Variants in PRDM16 observed in about 807,000 individuals in gnomAD.
The protein encoded by PRDM16 is PR/SET domain 16, also known as histone-lysine N-methyltransferase PRDM16.
PRDM16 carries 23 observed loss-of-function variants against 110.6 expected under a neutral mutation model. That is an observed-to-expected ratio of 0.21 (90% confidence interval 0.15 to 0.29). The LOEUF (loss-of-function observed/expected upper bound fraction) is 0.29. Ranked by LOEUF, PRDM16 falls within the 10% of genes least tolerant of loss-of-function variation. PRDM16 has a pLI of 1.00. For synonymous variants in PRDM16, 799 were observed against 781.8 expected, an observed-to-expected ratio of 1.02 and a Z score of -0.37; for missense variants, 1,615 against 1,794.3, an observed-to-expected ratio of 0.90 and a Z score of 1.81.
rs190633168 is a variant in PRDM16 at position 3,166,498 on chromosome 1, G to A, written c.38-19627G>A. Among the ~76,000 whole-genome samples the A allele has an allele frequency of 2.5e-3, 382 of 152,366 alleles. 3 individuals carry two copies. The highest frequency in any genetic ancestry group is 8.8e-3 in the African/African-American group (367 of 41,590). ...TTTTGCTAAGCCCACTTGGTTTGGC[G>A]GCTCCCTTTAAATGAGGCCTTCTCA... On this transcript the variant is annotated intron_variant, in intron 1 of 16. Coordinates refer to ENST00000270722, the MANE Select transcript of PRDM16 (RefSeq NM_022114.4).
In PRDM16 at chr1:3,432,157, G is replaced by T; in HGVS notation, c.3696+17G>T. 6.2e-7 allele frequency: 1 copy of T among 1,608,184 alleles called. No homozygotes were observed. Among genetic ancestry groups the T allele is most frequent in the Non-Finnish European group, 8.5e-7 (1 of 1,176,534 alleles). ...AAGAACCAGGTAGGTACCCGCCAGA[G>T]CCCCTCCCCCACCCCACCTGGCCTC... On this transcript the variant is annotated intron_variant, in intron 16 of 16. Coordinates refer to ENST00000270722, the MANE Select transcript of PRDM16 (RefSeq NM_022114.4).
chr1:3,277,741 G>A (rs1260663209), intron 3 of PRDM16, among the ~76,000 whole-genome samples: 6 of 147,668 alleles, frequency 4.1e-5, no homozygotes, highest in Non-Finnish European at 7.5e-5. Context: ...GCGCACACAC[G>A]CACACGCACA....
At chr1:3,422,817 G>C (rs1474556054) in intron 12 of PRDM16, among the ~76,000 whole-genome samples, 1 of 152,250 alleles carries the variant, frequency 6.6e-6, no homozygotes, top group African/African-American at 2.4e-5. Flanking sequence ...TTTGTGGATG[G>C]CCAGTCCAAG....
rs1639775462 is a variant in PRDM16, at chr1:3,245,665, GA to G, written c.438+1529del. 1.3e-5 allele frequency among the ~76,000 whole-genome samples: 2 copies of G among 152,242 alleles called. No homozygotes were observed. Among genetic ancestry groups the G allele is most frequent in the South Asian group, 4.1e-4 (2 of 4,822 alleles). On this transcript the variant is annotated intron_variant, in intron 3 of 16. Coordinates refer to ENST00000270722, the MANE Select transcript of PRDM16 (RefSeq NM_022114.4). This position sits in a 1 kb window ranked among gnomAD's most constrained non-coding sequence, Gnocchi z 4.7. ...CACCCACGTTTGACTGGAGCAAATGGAGCAAATTCCAGGGCTGGTCTTTTCC... is the reference window on the plus strand; with the variant it reads ...CACCCACGTTTGACTGGAGCAAATGGGCAAATTCCAGGGCTGGTCTTTTCC...
chr1:3,345,543 GTACCCC>G (rs1642343653), intron 3 of PRDM16, among the ~76,000 whole-genome samples: 1 of 152,226 alleles, frequency 6.6e-6, no homozygotes, highest in African/African-American at 2.4e-5. Flanking sequence ...AACTGGCCAA[GTACCCC>G]ACCTAAGGAC....
chr1:3,222,070 A>C (rs978971059), intron 2 of PRDM16, among the ~76,000 whole-genome samples: 1 of 152,196 alleles, frequency 6.6e-6, no homozygotes, highest in Non-Finnish European at 1.5e-5. Flanking sequence ...GCTGGCAGGA[A>C]GTGAGGTGAG....
intron 4 of PRDM16, among the ~76,000 whole-genome samples, chr1:3,393,497 T>G (rs960450343): frequency 6.6e-6 from 1 of 152,138 alleles, no homozygotes; most frequent in Non-Finnish European, 1.5e-5. Flanking sequence ...AGTCATAATT[T>G]ATGACAAGCC....
intron 2 of PRDM16, among the ~76,000 whole-genome samples, chr1:3,205,518 G>A (rs531482705): frequency 6.6e-6 from 1 of 152,218 alleles, no homozygotes; most frequent in South Asian, 2.1e-4. Flanking sequence ...CAGGAAAACA[G>A]AGGTGGGGGG....
intron 3 of PRDM16, among the ~76,000 whole-genome samples, chr1:3,249,893 G>A (rs576998479): frequency 4.6e-5 from 7 of 152,324 alleles, no homozygotes; most frequent in East Asian, 1.9e-4. Context: ...GGTCAGCTAC[G>A]GTTGCCATGG....
chr1:3,363,308 A>C (rs192286743), intron 3 of PRDM16, among the ~76,000 whole-genome samples: 81 of 152,344 alleles, frequency 5.3e-4, no homozygotes, highest in Non-Finnish European at 8.7e-4. Flanking sequence ...CTTGTTGAAC[A>C]CAGCAGCGTC....
intron 3 of PRDM16, among the ~76,000 whole-genome samples, chr1:3,273,739 G>C (rs1245689484): frequency 6.6e-6 from 1 of 151,700 alleles, no homozygotes; most frequent in Admixed American, 6.6e-5. Context: ...TGTGTGCATG[G>C]ATAGGTGTGT....
intron 3 of PRDM16, among the ~76,000 whole-genome samples, chr1:3,279,373 G>A (rs934613934): frequency 1.3e-5 from 2 of 151,992 alleles, no homozygotes; most frequent in African/African-American, 2.4e-5. Flanking sequence ...GGGCCCTCGC[G>A]GTGCCTCGGG....
intron 3 of PRDM16, among the ~76,000 whole-genome samples, chr1:3,324,293 G>A (rs796987458): frequency 6.6e-6 from 1 of 152,074 alleles, no homozygotes; most frequent in Non-Finnish European, 1.5e-5. Flanking sequence ...CCAGCCTGCC[G>A]GGCTCACTCT....
At chr1:3,345,418 A>G (rs866220849) in intron 3 of PRDM16, among the ~76,000 whole-genome samples, 1 of 152,276 alleles carries the variant, frequency 6.6e-6, no homozygotes, top group Middle Eastern at 3.4e-3. Context: ...TTAAGCCAAC[A>G]GCCACACGCA....
At chr1:3,408,281 G>A (rs567190323) in intron 8 of PRDM16, among the ~76,000 whole-genome samples, 2 of 152,334 alleles carry the variant, frequency 1.3e-5, no homozygotes, top group South Asian at 2.1e-4. Context: ...ATTCCTGGTG[G>A]TGTCTTTCCC....
At chr1:3,371,746 C>T (rs911709946) in intron 3 of PRDM16, among the ~76,000 whole-genome samples, 1 of 152,262 alleles carries the variant, frequency 6.6e-6, no homozygotes, top group Non-Finnish European at 1.5e-5. Flanking sequence ...GGCGCTGGTC[C>T]TGACAGTGTG....
At chr1:3,383,301 G>A (rs931545525) in intron 3 of PRDM16, among the ~76,000 whole-genome samples, 3 of 152,186 alleles carry the variant, frequency 2.0e-5, no homozygotes, top group African/African-American at 4.8e-5. Context: ...CCAGGAGCAC[G>A]CCCCTCTATC....
intron 3 of PRDM16, among the ~76,000 whole-genome samples, chr1:3,301,359 AAAGG>A (rs1369835853): frequency 2.0e-5 from 3 of 151,722 alleles, no homozygotes; most frequent in Non-Finnish European, 4.4e-5. Context: ...AGAAAAAAAA[AAAGG>A]AAGGAAGGAG....
intron 1 of PRDM16, among the ~76,000 whole-genome samples, chr1:3,154,739 G>A (rs1643833224): frequency 6.6e-6 from 1 of 152,188 alleles, no homozygotes; most frequent in African/African-American, 2.4e-5. Flanking sequence ...TGGGCTGACC[G>A]CTGCTGACCC....
Sources: gnomAD v4.1 joint callset for allele counts (sites outside exome capture counted in the v4.1 genomes callset) on GRCh38, gnomAD v4.1.1 for gene constraint, Gnocchi (gnomAD v3.1) non-coding constraint, MANE v1.5 for transcripts, NCBI Gene and HGNC (gene_info 2026-07-23, HGNC 2026-07-21) for gene names.